Variants in MBNL2 observed in about 807,000 individuals in gnomAD.
MBNL2 encodes the protein muscleblind like splicing regulator 2.
In MBNL2, 17 loss-of-function variants were observed where a neutral mutation model predicts 41.9. The ratio of observed to expected loss-of-function variants is 0.41; its 90% CI spans 0.28 to 0.61. The LOEUF (loss-of-function observed/expected upper bound fraction) is 0.61. Ranked by LOEUF, MBNL2 falls within the 20% of genes least tolerant of loss-of-function variation. The pLI, the probability that MBNL2 is intolerant of heterozygous loss-of-function variation, is 0.35. For synonymous variants in MBNL2, 195 were observed against 182.9 expected, an observed-to-expected ratio of 1.07 and a Z score of -0.53; for missense variants, 336 against 505.6, an observed-to-expected ratio of 0.66 and a Z score of 3.22.
chr13:97,218,505 A>G (rs2040602260), upstream of MBNL2, among the ~76,000 whole-genome samples: 2 of 149,968 alleles, frequency 1.3e-5, no homozygotes, highest in African/African-American at 4.9e-5. Flanking sequence ...CGAATTTATC[A>G]AACTGTACAA....
At chr13:97,227,514 G>A (rs1358431206) in intron 1 of MBNL2, among the ~76,000 whole-genome samples, 2 of 152,176 alleles carry the variant, frequency 1.3e-5, no homozygotes, top group East Asian at 1.9e-4. Flanking sequence ...TACAAAGGGC[G>A]TTCACAGGCA....
chr13:97,309,110 C>T (rs1302392321), intron 2 of MBNL2, among the ~76,000 whole-genome samples: 1 of 152,084 alleles, frequency 6.6e-6, no homozygotes, highest in East Asian at 1.9e-4. Context: ...CATAAAAAAC[C>T]ATGGGGTATG....
intron 2 of MBNL2, among the ~76,000 whole-genome samples, chr13:97,280,519 G>A (rs1163708069): frequency 6.6e-6 from 1 of 152,168 alleles, no homozygotes; most frequent in Non-Finnish European, 1.5e-5. Flanking sequence ...TTCATTTCAA[G>A]TACAGCGAGA....
intron 1 of MBNL2, among the ~76,000 whole-genome samples, chr13:97,223,842 A>C (rs184660204): frequency 1.3e-5 from 2 of 152,338 alleles, no homozygotes; most frequent in East Asian, 3.9e-4. Context: ...TTCAAGGAGA[A>C]GTGCAGGACA....
At chr13:97,290,467 G>T (rs1264178914) in intron 2 of MBNL2, among the ~76,000 whole-genome samples, 1 of 151,930 alleles carries the variant, frequency 6.6e-6, no homozygotes, top group Admixed American at 6.6e-5. Flanking sequence ...ATGAGGTCAG[G>T]AGATCAAGAC....
chr13:97,177,138 G>T, the MBNL2 span, among the ~76,000 whole-genome samples: 1 of 152,140 alleles, frequency 6.6e-6, no homozygotes, highest in Non-Finnish European at 1.5e-5. Context: ...AGAAGTTTGA[G>T]ACCAGCCTGG....
rs41279106 is a variant in MBNL2, at chr13:97,276,011, T to C, written c.-225T>C. 0.017 allele frequency: 7,689 copies of C among 447,386 alleles called. 126 individuals are homozygous for C. Among genetic ancestry groups the C allele is most frequent in the African/African-American group, 0.049 (2,486 of 50,418 alleles). The allele number at this position is 447,386 out of a possible 1,614,324, so 27.7% of individuals were successfully genotyped here. A position where few individuals can be genotyped will look rare whatever the true frequency, so the allele number is the denominator to read the frequency against. On this transcript the variant is annotated 5_prime_UTR_variant, in exon 2 of 9. Coordinates refer to ENST00000679496, the MANE Select transcript of MBNL2 (RefSeq NM_001382683.1). ...CCAGAGATGACACTGAGCATGCTTT[T>C]ATTGCGGCCTACCATCTTTAAGTGG...
chr13:97,232,851 ATGTGTGTGTGTGTGTGTGTGTGTG>A (rs34769353), intron 1 of MBNL2, among the ~76,000 whole-genome samples: 84 of 130,582 alleles, frequency 6.4e-4, no homozygotes, highest in Admixed American at 3.5e-3. Context: ...TCTTGACGCT[ATGTGTGTGTGTGTGTGTGTGTGTG>A]TGTGTGTGTG....
chr13:97,166,839 GA>G, the MBNL2 span, among the ~76,000 whole-genome samples: 1 of 151,270 alleles, frequency 6.6e-6, no homozygotes, highest in Non-Finnish European at 1.5e-5. Context: ...TAGATAGATA[GA>G]AAGATAGATA....
At chr13:97,269,822 T>C (rs2050569103) in intron 1 of MBNL2, among the ~76,000 whole-genome samples, 1 of 152,010 alleles carries the variant, frequency 6.6e-6, no homozygotes, top group Non-Finnish European at 1.5e-5. Flanking sequence ...CTCCCTGCTC[T>C]CAGACTCTGT....
At chr13:97,243,783 A>G (rs1056240430) in intron 1 of MBNL2, among the ~76,000 whole-genome samples, 1 of 152,236 alleles carries the variant, frequency 6.6e-6, no homozygotes, top group Non-Finnish European at 1.5e-5. Context: ...GCCAGCAAAT[A>G]GCATTATGTG....
intron 2 of MBNL2, among the ~76,000 whole-genome samples, chr13:97,317,318 T>C (rs1392382926): frequency 1.3e-5 from 2 of 152,094 alleles, no homozygotes. Context: ...GAACAAAATA[T>C]CAATCCTGTA....
chr13:97,334,176 A>ACACACC lies in MBNL2; in HGVS notation c.175-100_175-99insCACACC. ...CACACACACACACACACACACACAC[A>ACACACC]GGATCCTTGCTTTTGTGCATAAGAA... On this transcript the variant is annotated intron_variant, in intron 2 of 8. Coordinates refer to ENST00000679496, the MANE Select transcript of MBNL2 (RefSeq NM_001382683.1). This position sits in a 1 kb window ranked among gnomAD's most constrained non-coding sequence, Gnocchi z 5.3. The ACACACC allele has an allele frequency of 5.8e-6, 5 of 868,294 alleles. No homozygotes were observed. The highest frequency in any genetic ancestry group is 9.0e-6 in the Non-Finnish European group (5 of 553,006). The allele number at this position is 868,294 out of a possible 1,614,324, so 53.8% of individuals were successfully genotyped here.
chr13:97,209,532 T>C, the MBNL2 span, among the ~76,000 whole-genome samples: 1 of 152,234 alleles, frequency 6.6e-6, no homozygotes, highest in Non-Finnish European at 1.5e-5. Context: ...ATTAATGCTT[T>C]ATAATAATCT....
the MBNL2 span, among the ~76,000 whole-genome samples, chr13:97,164,085 C>T: frequency 6.6e-6 from 1 of 152,230 alleles, no homozygotes; most frequent in South Asian, 2.1e-4. Flanking sequence ...TGGCTCACTG[C>T]AGCCTTGACC....
At chr13:97,161,987 G>A in the MBNL2 span, among the ~76,000 whole-genome samples, 1 of 152,178 alleles carries the variant, frequency 6.6e-6, no homozygotes, top group Non-Finnish European at 1.5e-5. Flanking sequence ...AGGTTTAATT[G>A]GCTCGTGGTT....
chr13:97,383,899 A>T (rs1462788771), intron 8 of MBNL2, among the ~76,000 whole-genome samples: 3 of 149,452 alleles, frequency 2.0e-5, no homozygotes, highest in Non-Finnish European at 4.4e-5. Flanking sequence ...TTTTTATATA[A>T]TTAATTTTTT....
In MBNL2 at chr13:97,276,311, A is replaced by G. The variant is rs1271051367; in HGVS notation, c.76A>G (p.Thr26Ala). The stretch of plus-strand genomic sequence containing the variant: ...AGTCTGCAGACAGTTTCAAAGAGGA[A>G]CATGCTCACGCTCTGATGAAGAATG... ...LEVCRQFQRG[T>A]CSRSDEECKF... Residue 26 changes from threonine to alanine, a missense_variant, in exon 2 of 9, where the codon ACA becomes GCA. Thr to Ala is a moderately conservative substitution (Grantham distance 58). Coordinates refer to ENST00000679496, the MANE Select transcript of MBNL2 (RefSeq NM_001382683.1). 1.2e-6 allele frequency: 2 copies of G among 1,613,840 alleles called. No homozygotes were observed. Among genetic ancestry groups the G allele is most frequent in the African/African-American group, 2.7e-5 (2 of 74,930 alleles).
chr13:97,158,471 C>T, the MBNL2 span, among the ~76,000 whole-genome samples: 1 of 152,048 alleles, frequency 6.6e-6, no homozygotes, highest in African/African-American at 2.4e-5. Context: ...TTTTGTAGTT[C>T]TTTTAATTGT....
Sources: gnomAD v4.1 joint callset for allele counts (sites outside exome capture counted in the v4.1 genomes callset) on GRCh38, gnomAD v4.1.1 for gene constraint, Gnocchi (gnomAD v3.1) non-coding constraint, MANE v1.5 for transcripts, NCBI Gene and HGNC (gene_info 2026-07-23, HGNC 2026-07-21) for gene names.